The following RAB40B variants were observed in gnomAD, a reference collection of about 807,000 sequenced individuals.
RAB40B encodes the protein ras-related protein Rab-40B.
A neutral mutation model predicts 24.0 loss-of-function variants in RAB40B; 21 were observed. The ratio of observed to expected loss-of-function variants is 0.88; its 90% CI spans 0.62 to 1.26. RAB40B has a LOEUF of 1.26. Among genes scored for constraint, RAB40B ranks in the 50% most tolerant of loss-of-function variants. The pLI is 0.00. For missense variants in RAB40B, 348 were observed against 390.5 expected (o/e 0.89, Z 0.92); for synonymous variants, 167 against 169.8 (o/e 0.98, Z 0.13).
At chr17:82,658,177 C>T in intron 5 of RAB40B, 43 bp from the exon 6 acceptor site, 2 of 1,586,064 alleles carry the variant, frequency 1.3e-6, no homozygotes, top group South Asian at 1.2e-5. Context: ...GATGTCCCCA[C>T]CTGGGCTGGG....
chr17:82,662,335 G>A, intron 2 of RAB40B: 1 of 985,488 alleles, frequency 1.0e-6, no homozygotes. Context: ...TATGGTCGAG[G>A]AGGCAGCGGG....
In RAB40B at chr17:82,698,535, C is replaced by A. The variant is rs1598323994; in HGVS notation, c.62G>T (p.Gly21Val). Residue 21 changes from glycine (G) to valine (V), a missense_variant, in exon 1 of 6, where the codon GGC (glycine) becomes GTC (valine). By Grantham distance (109) the Gly-to-Val change is moderately radical (BLOSUM62 -3). Transcript: ENST00000571995. ...YDFLLKFLLVGDSDVGKGEIL... is the reference protein window; with the variant it reads ...YDFLLKFLLVVDSDVGKGEIL... ...CTCGCCCTTGCCCACGTCGCTGTCG[C>A]CCACCAGCAGGAACTTGAGCAGAAA... 2 of 1,529,596 alleles carry A rather than the reference C, an allele frequency of 1.3e-6. No homozygotes were observed. The highest frequency in any genetic ancestry group is 1.8e-6 in the Non-Finnish European group (2 of 1,133,768). 94.8% of individuals were successfully genotyped at this position (1,529,596 alleles called of 1,614,324 possible).
chr17:82,661,536 G>C (rs544072354), intron 2 of RAB40B, among the ~76,000 whole-genome samples: 2 of 152,276 alleles, frequency 1.3e-5, no homozygotes, highest in East Asian at 3.9e-4. Flanking sequence ...TGAGTTCTCA[G>C]ATGACGGCAC....
intron 2 of RAB40B, chr17:82,662,262 A>G (rs2046183599): frequency 1.0e-6 from 1 of 985,362 alleles, no homozygotes; most frequent in Admixed American, 6.1e-5. Flanking sequence ...TTGATCTAGA[A>G]TTCAAGCCTC....
intron 2 of RAB40B, chr17:82,661,963 G>A (rs993012530): frequency 3.0e-6 from 3 of 985,296 alleles, no homozygotes; most frequent in Non-Finnish European, 3.6e-6. Flanking sequence ...GTTCCCAGAG[G>A]AGGCGGCCCT....
In RAB40B at chr17:82,667,693, A is replaced by G. The variant is rs775519675; in HGVS notation, c.143-3137T>C. On this transcript the variant is annotated intron_variant, in intron 1 of 5. Coordinates refer to ENST00000571995, the MANE Select transcript of RAB40B (RefSeq NM_006822.3). The surrounding 1 kb of genome is among the most constrained non-coding windows in gnomAD (Gnocchi z 4.3). ...CACCAGGTAGATTAGACCAAGCAAC[A>G]CCAGAGCAAACTCCCCCCGTCAGAG... Among the ~76,000 whole-genome samples, 3 of 152,042 alleles carry G rather than the reference A, an allele frequency of 2.0e-5. No individual in the cohort carries two copies. The highest frequency in any genetic ancestry group is 4.4e-5 in the Non-Finnish European group (3 of 68,000).
chr17:82,674,025 TC>T (rs2046367191), intron 1 of RAB40B, among the ~76,000 whole-genome samples: 1 of 152,234 alleles, frequency 6.6e-6, no homozygotes, highest in Admixed American at 6.5e-5. Context: ...TTTGTGACTA[TC>T]AACACTGGAC....
At chr17:82,681,603 C>A (rs1329822221) in intron 1 of RAB40B, among the ~76,000 whole-genome samples, 1 of 152,074 alleles carries the variant, frequency 6.6e-6, no homozygotes, top group Non-Finnish European at 1.5e-5. Flanking sequence ...TGATTCCAAT[C>A]ATTAAAATAA....
At chr17:82,662,626 C>G in intron 2 of RAB40B, 8 of 985,314 alleles carry the variant, frequency 8.1e-6, no homozygotes, top group Non-Finnish European at 9.6e-6. Context: ...GGAGTGTGAC[C>G]TTGCTCAGAC....
chr17:82,666,920 G>A (rs1020415177), intron 1 of RAB40B, among the ~76,000 whole-genome samples: 2 of 152,176 alleles, frequency 1.3e-5, no homozygotes, highest in Admixed American at 6.5e-5. Context: ...GGCTGTGATC[G>A]GATGTTGAGT....
chr17:82,657,573 G>T lies in RAB40B; in HGVS notation c.*290C>A. ...AAGCAGTTATTTTAAGGAAAAAGTT[G>T]CAGTGCAATCATGATAAAGTAACAT... On this transcript the variant is annotated 3_prime_UTR_variant, in exon 6 of 6. Transcript: ENST00000571995. 1 of 503,138 alleles carries T rather than the reference G, an allele frequency of 2.0e-6. No homozygotes were observed. Among genetic ancestry groups the T allele is most frequent in the Non-Finnish European group, 3.7e-6 (1 of 273,042 alleles). The allele number at this position is 503,138 out of a possible 1,614,324, so 31.2% of individuals were successfully genotyped here.
At chr17:82,689,447 G>A (rs2046533879) in intron 1 of RAB40B, among the ~76,000 whole-genome samples, 1 of 152,218 alleles carries the variant, frequency 6.6e-6, no homozygotes, top group Admixed American at 6.5e-5. Flanking sequence ...GCCTGTCACT[G>A]GAAATCAGGT....
chr17:82,662,548 G>A (rs2046187480), intron 2 of RAB40B: 11 of 985,304 alleles, frequency 1.1e-5, no homozygotes, highest in Non-Finnish European at 1.3e-5. Context: ...GTGGGGGCAG[G>A]CAGAAGACCC....
chr17:82,687,194 C>T (rs947098358), intron 1 of RAB40B, among the ~76,000 whole-genome samples: 3 of 152,244 alleles, frequency 2.0e-5, no homozygotes, highest in Admixed American at 6.5e-5. Context: ...TCTCCTCAAA[C>T]ATACGTGGCC....
At chr17:82,691,434 C>T (rs2046556452) in intron 1 of RAB40B, among the ~76,000 whole-genome samples, 2 of 152,092 alleles carry the variant, frequency 1.3e-5, no homozygotes. Flanking sequence ...GCCTGTAATC[C>T]CAGCTACTCG....
intron 1 of RAB40B, among the ~76,000 whole-genome samples, chr17:82,671,314 AAC>A (rs1203054743): frequency 2.9e-5 from 3 of 101,788 alleles, no homozygotes; most frequent in African/African-American, 6.1e-5. Flanking sequence ...CCGTAACTCT[AAC>A]ACACTCACAC....
At chr17:82,661,301 T>C in intron 2 of RAB40B, 1 of 1,255,070 alleles carries the variant, frequency 8.0e-7, no homozygotes, top group Non-Finnish European at 1.0e-6. Flanking sequence ...TTTAACATAA[T>C]TCTCAGATAT....
chr17:82,693,159 C>T (rs1202757600), intron 1 of RAB40B, among the ~76,000 whole-genome samples: 3 of 152,058 alleles, frequency 2.0e-5, no homozygotes, highest in African/African-American at 4.8e-5. Context: ...CCCGCCACCA[C>T]ACCTGGCTAA....
chr17:82,677,943 T>C (rs1326163265), intron 1 of RAB40B, among the ~76,000 whole-genome samples: 1 of 152,194 alleles, frequency 6.6e-6, no homozygotes, highest in African/African-American at 2.4e-5. Flanking sequence ...TCTTTTTTTC[T>C]CTAAAATCAA....
Sources: gnomAD v4.1 joint callset for allele counts (sites outside exome capture counted in the v4.1 genomes callset) on GRCh38, gnomAD v4.1.1 for gene constraint, Gnocchi (gnomAD v3.1) non-coding constraint, MANE v1.5 for transcripts, NCBI Gene and HGNC (gene_info 2026-07-23, HGNC 2026-07-21) for gene names.